MOBP: variants seen among roughly 807,000 people sequenced by gnomAD.
MOBP encodes the protein myelin-associated oligodendrocyte basic protein.
A neutral mutation model predicts 15.0 loss-of-function variants in MOBP; 5 were observed. The observed-to-expected ratio is 0.33, with a 90% CI of 0.17 to 0.70. The LOEUF (loss-of-function observed/expected upper bound fraction) is 0.70. Ranked by LOEUF, MOBP falls within the 30% of genes least tolerant of loss-of-function variation. The probability of loss-of-function intolerance (pLI) is 0.67; values close to 1 mark genes in which losing one functional copy is unlikely to be tolerated. For synonymous variants in MOBP, 88 were observed against 99.0 expected (o/e 0.89, Z 0.66); for missense variants, 188 against 257.8 (o/e 0.73, Z 1.85).
intron 2 of MOBP, among the ~76,000 whole-genome samples, chr3:39,484,837 A>G (rs2042678292): frequency 6.6e-6 from 1 of 152,222 alleles, no homozygotes; most frequent in African/African-American, 2.4e-5. Flanking sequence ...GAGTTTGTTC[A>G]TCAGAAAGGA....
chr3:39,480,386 C>T (rs998892440), intron 2 of MOBP, among the ~76,000 whole-genome samples: 2 of 152,216 alleles, frequency 1.3e-5, no homozygotes, highest in Admixed American at 1.3e-4. Context: ...GGCAAACCCA[C>T]ATATCATGCA....
chr3:39,483,942 T>A (rs1055798993), intron 2 of MOBP, among the ~76,000 whole-genome samples: 1 of 152,332 alleles, frequency 6.6e-6, no homozygotes, highest in Admixed American at 6.5e-5. Flanking sequence ...TGGGGAATTT[T>A]AAGACACTTT....
intron 2 of MOBP, among the ~76,000 whole-genome samples, chr3:39,496,102 G>T (rs1051262176): frequency 6.6e-6 from 1 of 151,880 alleles, no homozygotes; most frequent in African/African-American, 2.4e-5. Context: ...ATATTTACAG[G>T]TAAATATTTT....
At chr3:39,475,704 A>G (rs2042536362) in intron 1 of MOBP, among the ~76,000 whole-genome samples, 1 of 152,160 alleles carries the variant, frequency 6.6e-6, no homozygotes, top group Non-Finnish European at 1.5e-5. Context: ...TAACTTTGGT[A>G]GGAGCTCTTT....
Position 39,502,297 on chromosome 3 carries a change from C to CAGTTG in MOBP, c.206+22_206+23insAGTTG. ...CCAGGTAAGCGGCCGCCCAGCCCCG[C>CAGTTG]GGCACCAGTTGGGCACAGCGCGTGG... On this transcript the variant is annotated intron_variant, in intron 3 of 3. Coordinates refer to ENST00000684792, the MANE Select transcript of MOBP (RefSeq NM_001393704.1). The surrounding 1 kb of genome is among the most constrained non-coding windows in gnomAD (Gnocchi z 6.3). 6.2e-7 allele frequency: 1 copy of CAGTTG among 1,613,454 alleles called. No homozygotes were observed. The highest frequency in any genetic ancestry group is 8.5e-7 in the Non-Finnish European group (1 of 1,179,834).
At chr3:39,513,304 TA>T in intron 4 of MOBP, 1 of 1,304,086 alleles carries the variant, frequency 7.7e-7, no homozygotes, top group South Asian at 1.3e-5. Context: ...ACAATTATAC[TA>T]ACTGAACACA....
chr3:39,516,997 G>T (rs1312468809), downstream of MOBP, among the ~76,000 whole-genome samples: 1 of 152,092 alleles, frequency 6.6e-6, no homozygotes, highest in Non-Finnish European at 1.5e-5. Context: ...GCCCTGGGAG[G>T]GCTTCCTGCC....
intron 2 of MOBP, chr3:39,500,196 A>G: frequency 2.5e-6 from 1 of 404,918 alleles, no homozygotes; most frequent in Non-Finnish European, 5.0e-6. Flanking sequence ...CTAATCACTT[A>G]CTTGCCTGTA....
At chr3:39,522,523 C>T (rs7612859) in intron 3 of MOBP, among the ~76,000 whole-genome samples, 2,044 of 152,222 alleles carry the variant, frequency 0.013, 48 homozygotes, top group African/African-American at 0.046. Flanking sequence ...GGCCTTAAAT[C>T]CCCCTCTGAT....
Position 39,502,010 on chromosome 3 carries a change from C to G in MOBP, c.-4-56C>G. 1 of 1,466,858 alleles carries G rather than the reference C, an allele frequency of 6.8e-7. No individual in the cohort carries two copies. The highest frequency in any genetic ancestry group is 9.5e-7 in the Non-Finnish European group (1 of 1,049,668). 90.9% of individuals were successfully genotyped at this position (1,466,858 alleles called of 1,614,324 possible). On this transcript the variant is annotated intron_variant, in intron 2 of 3. Transcript: ENST00000684792. This position sits in a 1 kb window ranked among gnomAD's most constrained non-coding sequence, Gnocchi z 6.3. The stretch of plus-strand genomic sequence containing the variant: ...AGGGGGCTTCCAGAGTAGAGGGCTC[C>G]CTTTCCTGATGTGCGTTTATGTCTC...
At chr3:39,471,248 G>A (rs1466006222) in intron 1 of MOBP, among the ~76,000 whole-genome samples, 1 of 151,190 alleles carries the variant, frequency 6.6e-6, no homozygotes, top group Non-Finnish European at 1.5e-5. Flanking sequence ...TCCTGTCTCA[G>A]CCTCCCAAGT....
At chr3:39,509,636 A>C (rs562285883) in intron 4 of MOBP, among the ~76,000 whole-genome samples, 1 of 152,238 alleles carries the variant, frequency 6.6e-6, no homozygotes, top group South Asian at 2.1e-4. Context: ...TTTTGCAAGC[A>C]TTTTCTCCAG....
chr3:39,484,445 A>G (rs1390690719), intron 2 of MOBP, among the ~76,000 whole-genome samples: 1 of 152,178 alleles, frequency 6.6e-6, no homozygotes, highest in Non-Finnish European at 1.5e-5. Context: ...CTCTGTGGCA[A>G]CGTGGAGGAT....
intron 1 of MOBP, among the ~76,000 whole-genome samples, chr3:39,479,758 A>G (rs1290114105): frequency 1.3e-5 from 2 of 152,174 alleles, no homozygotes. Context: ...AGAAATGAAA[A>G]AAAGAACTAC....
chr3:39,507,376 A>G (rs1220437009), downstream of MOBP, among the ~76,000 whole-genome samples: 1 of 152,144 alleles, frequency 6.6e-6, no homozygotes, highest in African/African-American at 2.4e-5. Flanking sequence ...TGACTTTCTG[A>G]TGGGAAGGGG....
rs554614309 is a variant in MOBP, at chr3:39,478,544, C to T, written c.-88-1496C>T. On this transcript the variant is annotated intron_variant, in intron 1 of 3. Coordinates refer to ENST00000684792, the MANE Select transcript of MOBP (RefSeq NM_001393704.1). ...TCCCCTCCACCCTTCCAGATTCCCA[C>T]GGCCTTAGCATCCCCTAACTCCTAC... Among the ~76,000 whole-genome samples the T allele has an allele frequency of 1.5e-4, 23 of 152,302 alleles. No individual in the cohort carries two copies. The South Asian group carries it at 3.7e-3, about 25-fold the overall frequency.
At chr3:39,479,944 G>C (rs2042604676) in intron 1 of MOBP, 96 bp from the exon 2 acceptor site, 1 of 150,176 alleles carries the variant, frequency 6.7e-6, no homozygotes, top group African/African-American at 2.5e-5. Flanking sequence ...AGGATTATGA[G>C]AGTGAAGCTC....
exon 5 of MOBP, chr3:39,514,341 C>T (rs1416601530): frequency 6.6e-6 from 1 of 152,374 alleles, no homozygotes; most frequent in Non-Finnish European, 1.5e-5. Context: ...ACCCCCAGCT[C>T]CTCTCCCAAA....
rs941158018 is a variant in MOBP at position 39,502,372 on chromosome 3, A to T, written c.206+97A>T. On this transcript the variant is annotated intron_variant, in intron 3 of 3. Transcript: ENST00000684792. This position sits in a 1 kb window ranked among gnomAD's most constrained non-coding sequence, Gnocchi z 6.3. ...CGCTCCGCACCCCACTCTTCCCCCT[A>T]GTCGGCTCCGGGTTAGGCTCCGACA... 6.4e-7 allele frequency: 1 copy of T among 1,566,510 alleles called. No individual in the cohort carries two copies. The highest frequency in any genetic ancestry group is 1.3e-5 in the African/African-American group (1 of 74,220).
Sources: allele counts gnomAD v4.1 joint callset (sites outside exome capture counted in the v4.1 genomes callset), GRCh38; gene constraint gnomAD v4.1.1; non-coding constraint Gnocchi (gnomAD v3.1); transcripts MANE v1.5; gene names NCBI Gene and HGNC (gene_info 2026-07-23, HGNC 2026-07-21).